The following CTRL variants were observed in gnomAD, a reference collection of about 807,000 sequenced individuals.
CTRL encodes chymotrypsin like.
In CTRL, 38 loss-of-function variants were observed where a neutral mutation model predicts 35.5. The ratio of observed to expected loss-of-function variants is 1.07; its 90% confidence interval spans 0.83 to 1.40. The LOEUF (loss-of-function observed/expected upper bound fraction) is 1.40. Among genes scored for constraint, CTRL ranks in the 40% most tolerant of loss-of-function variants. The probability of loss-of-function intolerance (pLI) is 0.00; values close to 1 mark genes in which losing one functional copy is unlikely to be tolerated. For synonymous variants in CTRL, 155 were observed against 141.1 expected, an observed-to-expected ratio of 1.10 and a Z score of -0.70; for missense variants, 327 against 342.9, an observed-to-expected ratio of 0.95 and a Z score of 0.37.
Position 67,931,094 on chromosome 16 carries a change from G to A in CTRL, c.156+4C>T. 6.2e-7 allele frequency: 1 copy of A among 1,613,930 alleles called. No individual in the cohort carries two copies. Among genetic ancestry groups the A allele is most frequent in the Non-Finnish European group, 8.5e-7 (1 of 1,179,912 alleles). On this transcript the variant is annotated splice_donor_region_variant and intron_variant, in intron 2 of 6. Transcript: ENST00000574481. ...GGACCCTGCCCACCCCTCTGGTGGTGTACCTGCAGGGACACCTGCCAGGGC... is the reference window on the plus strand; with the variant it reads ...GGACCCTGCCCACCCCTCTGGTGGTATACCTGCAGGGACACCTGCCAGGGC...
rs747823289 is a variant in CTRL at position 67,930,799 on chromosome 16, C to A, written c.245G>T (p.Arg82Leu). Residue 82 changes from arginine to leucine, a missense_variant, in exon 4 of 7, where the codon CGC becomes CTC. Transcript: ENST00000574481. This position sits in a 1 kb window ranked among gnomAD's most constrained non-coding sequence, Gnocchi z 4.3. ...ATACTCGCCCAGGACAACAAAATGG[C>A]GGCCAGGGCTGCAAGGGGGTGGGAT... ...TAAHCNVSPG[R>L]HFVVLGEYDR... 1 of 1,613,774 alleles carries A rather than the reference C, an allele frequency of 6.2e-7. No homozygotes were observed. The highest frequency in any genetic ancestry group is 8.5e-7 in the Non-Finnish European group (1 of 1,179,980).
rs779607998 is a variant in CTRL, at chr16:67,930,230, A to C, written c.588T>G (p.Thr196=). The part of the protein sequence containing the change: ...QCRQYWGSSI[T]DSMICAGGAG... ...CGCCACCTGCACAGATCATGGAGTC[A>C]GTGATACTTGAGCCCCAGTACTGCC... The change falls in exon 6 of 7, where the codon ACT becomes ACG. Residue 196 remains threonine (T), a synonymous_variant. Coordinates refer to ENST00000574481, the MANE Select transcript of CTRL (RefSeq NM_001907.3). This position sits in a 1 kb window ranked among gnomAD's most constrained non-coding sequence, Gnocchi z 4.3. The C allele has an allele frequency of 3.1e-6, 5 of 1,614,062 alleles. No homozygotes were observed. In the Admixed American group the frequency reaches 6.7e-5, roughly 22 times the overall value.
In CTRL at chr16:67,930,035, C is replaced by A. The variant is rs2058233006; in HGVS notation, c.694G>T (p.Val232Phe). The change falls in exon 7 of 7, where the codon GTC (valine) becomes TTC (phenylalanine). Residue 232 changes from valine (V) to phenylalanine (F), a missense_variant. Transcript: ENST00000574481. This position sits in a 1 kb window ranked among gnomAD's most constrained non-coding sequence, Gnocchi z 4.3. ...TTGCAGTTTTTGGTGCCCCAGGAGACAATACCAATAAGCACCCATGTGTTT... is the reference window on the plus strand; with the variant it reads ...TTGCAGTTTTTGGTGCCCCAGGAGAAAATACCAATAAGCACCCATGTGTTT... ...KGNTWVLIGIVSWGTKNCNVR... is the reference protein window; with the variant it reads ...KGNTWVLIGIFSWGTKNCNVR... 6.2e-7 allele frequency: 1 copy of A among 1,613,976 alleles called. No individual in the cohort carries two copies. The highest frequency in any genetic ancestry group is 1.1e-5 in the South Asian group (1 of 91,084).
Position 67,930,983 on chromosome 16 carries a change from T to C in CTRL, c.173A>G (p.His58Arg), listed in dbSNP as rs774596718. 1.2e-5 allele frequency: 20 copies of C among 1,613,460 alleles called. No homozygotes were observed. The East Asian group carries it at 1.3e-4, about 11-fold the overall frequency. The part of the protein sequence containing the change: ...QVSLQDSSGF[H>R]FCGGSLISQS... ...GCTGATGAGAGAACCACCGCAGAAG[T>C]GGAAGCCGCTGCTGTCCTGTGGTCA... The change falls in exon 3 of 7, where the codon CAC (histidine) becomes CGC (arginine). Residue 58 changes from histidine to arginine, a missense_variant. Physicochemically the swap from His to Arg is conservative, Grantham distance 29 (BLOSUM62 0). Transcript: ENST00000574481. This position sits in a 1 kb window ranked among gnomAD's most constrained non-coding sequence, Gnocchi z 4.3.
Position 67,930,128 on chromosome 16 carries a change from G to C in CTRL, c.634-33C>G, listed in dbSNP as rs141530174. The C allele has an allele frequency of 9.8e-4, 1,580 of 1,613,744 alleles. 13 individuals carry two copies. In the African/African-American group the frequency reaches 0.019, roughly 19 times the overall value. ...GGAAGAGGGAGGGAGAATTGAGTAG[G>C]GGGGGTTGGGGAGGTATACCACAGG... On this transcript the variant is annotated intron_variant, in intron 6 of 6. Transcript: ENST00000574481. This position sits in a 1 kb window ranked among gnomAD's most constrained non-coding sequence, Gnocchi z 4.3.
intron 2 of CTRL, 37 bp from the exon 3 acceptor site, chr16:67,931,036 C>A (rs2058238880): frequency 6.2e-7 from 1 of 1,613,538 alleles, no homozygotes; most frequent in African/African-American, 1.3e-5. Flanking sequence ...TGGGGGTGGG[C>A]TGCTGAGGCT....
At position 67,930,062 on chromosome 16, in the gene CTRL, C is replaced by T. The variant is rs1366082417; in HGVS notation, c.667G>A (p.Gly223Arg). 3 of 1,614,042 alleles carry T rather than the reference C, an allele frequency of 1.9e-6. No individual in the cohort carries two copies. Among genetic ancestry groups the T allele is most frequent in the East Asian group, 4.5e-5 (2 of 44,888 alleles). The stretch of plus-strand genomic sequence containing the variant: ...ATACCAATAAGCACCCATGTGTTTC[C>T]CTTCTGGCAGACAAGAGGGCCTCCG... ...DSGGPLVCQK[G>R]NTWVLIGIVS... The change falls in exon 7 of 7, where the codon GGA (glycine) becomes AGA (arginine). Residue 223 changes from glycine to arginine, a missense_variant. Physicochemically the swap from Gly to Arg is moderately radical, Grantham distance 125 (BLOSUM62 -2). Coordinates refer to ENST00000574481, the MANE Select transcript of CTRL (RefSeq NM_001907.3). This position sits in a 1 kb window ranked among gnomAD's most constrained non-coding sequence, Gnocchi z 4.3.
In CTRL at chr16:67,930,040, C is replaced by A. The variant is rs2058233072; in HGVS notation, c.689G>T (p.Gly230Val). ...GTTTTTGGTGCCCCAGGAGACAATA[C>A]CAATAAGCACCCATGTGTTTCCCTT... ...CQKGNTWVLI[G>V]IVSWGTKNCN... Residue 230 changes from glycine to valine, a missense_variant, in exon 7 of 7, where the codon GGT becomes GTT. Transcript: ENST00000574481. This position sits in a 1 kb window ranked among gnomAD's most constrained non-coding sequence, Gnocchi z 4.3. 6.2e-7 allele frequency: 1 copy of A among 1,614,108 alleles called. No individual in the cohort carries two copies. The highest frequency in any genetic ancestry group is 8.5e-7 in the Non-Finnish European group (1 of 1,180,020).
At chr16:67,931,735 C>T (rs1393158549) in intron 1 of CTRL, 66 bp downstream of exon 1, 3 of 1,529,870 alleles carry the variant, frequency 2.0e-6, no homozygotes, top group Non-Finnish European at 2.7e-6. Flanking sequence ...TAGCTCCTTC[C>T]CTGGGCTGTT....
At position 67,929,652 on chromosome 16, in the gene CTRL, C is replaced by T; in HGVS notation, c.*282G>A. The T allele has an allele frequency of 2.1e-6, 1 of 479,554 alleles. No individual in the cohort carries two copies. The highest frequency in any genetic ancestry group is 2.9e-5 in the South Asian group (1 of 34,152). The allele number at this position is 479,554 out of a possible 1,614,324, so 29.7% of individuals were successfully genotyped here. A position where few individuals can be genotyped will look rare whatever the true frequency, so the allele number is the denominator to read the frequency against. On this transcript the variant is annotated 3_prime_UTR_variant, in exon 7 of 7. Transcript: ENST00000574481. ...GTATTCAGTAAACAGGCTGCCTCTCCAGGGAGGGCTGCCATTCATTCCAAC... is the reference window on the plus strand; with the variant it reads ...GTATTCAGTAAACAGGCTGCCTCTCTAGGGAGGGCTGCCATTCATTCCAAC...
chr16:67,930,850 G>C lies in CTRL; in HGVS notation c.237-43C>G, dbSNP rs182354088. ...TAGGCAGCTGCAGGGAGGCCAGCGC[G>C]AGAGGGGGACAGCCAGGGGAGGAGG... On this transcript the variant is annotated intron_variant, in intron 3 of 6. Transcript: ENST00000574481. This position sits in a 1 kb window ranked among gnomAD's most constrained non-coding sequence, Gnocchi z 4.3. The C allele has an allele frequency of 1.9e-6, 3 of 1,613,098 alleles. No individual in the cohort carries two copies. The highest frequency in any genetic ancestry group is 1.7e-5 in the Admixed American group (1 of 59,998).
intron 2 of CTRL, 40 bp from the exon 3 acceptor site, chr16:67,931,039 C>G: frequency 6.2e-7 from 1 of 1,613,548 alleles, no homozygotes; most frequent in Middle Eastern, 1.6e-4. Context: ...GGGTGGGCTG[C>G]TGAGGCTGCC....
chr16:67,931,842 A>G lies in CTRL; in HGVS notation c.11T>C (p.Leu4Pro). MLL[L>P]SLTLSLVLLG... ...GAGAACCAGGCTTAGGGTCAGGCTG[A>G]GCAGCAACATCGTGGCAGATGTGAG... is the stretch of plus-strand genomic sequence containing the variant. Residue 4 changes from leucine (L) to proline (P), a missense_variant, in exon 1 of 7, where the codon CTC becomes CCC. Transcript: ENST00000574481. The G allele has an allele frequency of 6.4e-7, 1 of 1,572,496 alleles. No homozygotes were observed. Among genetic ancestry groups the G allele is most frequent in the Non-Finnish European group, 8.6e-7 (1 of 1,158,994 alleles).
chr16:67,931,345 G>C (rs1042214030), intron 1 of CTRL, 144 bp from the exon 2 acceptor site: 1 of 717,038 alleles, frequency 1.4e-6, no homozygotes, highest in East Asian at 2.7e-5. Flanking sequence ...GTACATGCAA[G>C]CACCTTCGGG....
At position 67,930,192 on chromosome 16, in the gene CTRL, G is replaced by T. The variant is rs531656200; in HGVS notation, c.626C>A (p.Ser209Ter). The T allele has an allele frequency of 6.2e-7, 1 of 1,614,008 alleles. No homozygotes were observed. Among genetic ancestry groups the T allele is most frequent in the African/African-American group, 1.3e-5 (1 of 75,046 alleles). Reference sequence around the variant, plus strand: ...GCGGGTGCTGGGGCTTACCTGGCACGAGGAGGCACCTGCGCCACCTGCACA... The same window carrying T: ...GCGGGTGCTGGGGCTTACCTGGCACTAGGAGGCACCTGCGCCACCTGCACA... ...MICAGGAGAS[S>*]CQGDSGGPLV... The change falls in exon 6 of 7, where the codon TCG becomes TAG. Residue 209 changes from serine to a stop codon, truncating the protein, a stop_gained. Transcript: ENST00000574481. LOFTEE classifies it high-confidence loss of function. The surrounding 1 kb of genome is among the most constrained non-coding windows in gnomAD (Gnocchi z 4.3).
Position 67,930,472 on chromosome 16 carries a change from T to A in CTRL, c.435A>T (p.Ser145=). The A allele has an allele frequency of 1.9e-6, 3 of 1,614,090 alleles. No individual in the cohort carries two copies. The highest frequency in any genetic ancestry group is 1.7e-6 in the Non-Finnish European group (2 of 1,180,008). The change falls in exon 5 of 7, where the codon TCA becomes TCT. Residue 145 remains serine (S), a synonymous_variant. Coordinates refer to ENST00000574481, the MANE Select transcript of CTRL (RefSeq NM_001907.3). This position sits in a 1 kb window ranked among gnomAD's most constrained non-coding sequence, Gnocchi z 4.3. ...TRISPVCLAS[S]NEALTEGLTC... is the part of the protein sequence containing the mutation. ...TGAGGCCTTCAGTCAGAGCCTCGTT[T>A]GAGGATGCCAGGCAAACTGGCGAGA...
In CTRL at chr16:67,931,809, G is replaced by A. The variant is rs144605661; in HGVS notation, c.44C>T (p.Ser15Phe). 1.3e-6 allele frequency: 2 copies of A among 1,568,574 alleles called. No individual in the cohort carries two copies. Among genetic ancestry groups the A allele is most frequent in the Admixed American group, 1.9e-5 (1 of 53,378 alleles). ...GGTCCTGGCCCACTCACCCCAGGAG[G>A]AGCCGAGGAGAACCAGGCTTAGGGT... ...SLTLSLVLLG[S>F]SWGCGIPAIK... The change falls in exon 1 of 7, where the codon TCC becomes TTC. Residue 15 changes from serine to phenylalanine, a missense_variant. Ser to Phe is a radical substitution (Grantham distance 155). Coordinates refer to ENST00000574481, the MANE Select transcript of CTRL (RefSeq NM_001907.3).
chr16:67,931,619 A>T, intron 1 of CTRL, 182 bp downstream of exon 1: 1 of 692,948 alleles, frequency 1.4e-6, no homozygotes, highest in Non-Finnish European at 2.4e-6. Context: ...AGACCACCCC[A>T]CCTCTTGCCC....
At position 67,930,419 on chromosome 16, in the gene CTRL, A is replaced by G. The variant is rs2058235456; in HGVS notation, c.488T>C (p.Leu163Pro). ...GCCTGAGTCCCTACCCACGCCACTGAGGCGACCCCAGCCGGTGGTGACACA... is the reference window on the plus strand; with the variant it reads ...GCCTGAGTCCCTACCCACGCCACTGGGGCGACCCCAGCCGGTGGTGACACA... ...LTCVTTGWGR[L>P]SGVGNVTPAH... Residue 163 changes from leucine (L) to proline (P), a missense_variant, in exon 5 of 7, where the codon CTC becomes CCC. Coordinates refer to ENST00000574481, the MANE Select transcript of CTRL (RefSeq NM_001907.3). This position sits in a 1 kb window ranked among gnomAD's most constrained non-coding sequence, Gnocchi z 4.3. 6.2e-7 allele frequency: 1 copy of G among 1,613,846 alleles called. No individual in the cohort carries two copies.
Sources: allele counts gnomAD v4.1 joint callset, GRCh38; gene constraint gnomAD v4.1.1; non-coding constraint Gnocchi (gnomAD v3.1); transcripts MANE v1.5; gene names NCBI Gene and HGNC (gene_info 2026-07-23, HGNC 2026-07-21).